The following SEMA6D variants were observed in gnomAD, a reference collection of about 807,000 sequenced individuals.
SEMA6D encodes semaphorin 6D.
Under a neutral mutation model 106.6 loss-of-function variants are expected in SEMA6D, and 35 were observed. The ratio of observed to expected loss-of-function variants is 0.33; its 90% confidence interval spans 0.25 to 0.44. SEMA6D has a LOEUF of 0.44. Ranked by LOEUF, SEMA6D falls within the 20% of genes least tolerant of loss-of-function variation. The probability of loss-of-function intolerance (pLI) is 1.00; values close to 1 mark genes in which losing one functional copy is unlikely to be tolerated. For missense variants in SEMA6D, 1,185 were observed against 1,345.9 expected (o/e 0.88, Z 1.87); for synonymous variants, 499 against 487.7 (o/e 1.02, Z -0.31).
At chr15:47,631,518 G>GCCTGTGCAAGTAAGTT (rs2077292827) in intron 4 of SEMA6D, among the ~76,000 whole-genome samples, 1 of 151,840 alleles carries the variant, frequency 6.6e-6, no homozygotes, top group African/African-American at 2.4e-5. Context: ...TAAATATCTT[G>GCCTGTGCAAGTAAGTT]AAATAGGGAG....
At chr15:47,270,813 G>A (rs988028050) in intron 1 of SEMA6D, among the ~76,000 whole-genome samples, 2 of 151,766 alleles carry the variant, frequency 1.3e-5, no homozygotes, top group Non-Finnish European at 2.9e-5. Context: ...GGCCAACATG[G>A]TGAAACCCCA....
intron 1 of SEMA6D, among the ~76,000 whole-genome samples, chr15:47,209,867 G>C (rs1895362321): frequency 6.6e-6 from 1 of 152,054 alleles, no homozygotes; most frequent in Admixed American, 6.6e-5. Flanking sequence ...TGATTCATTG[G>C]GCCAAAGGAG....
intron 4 of SEMA6D, among the ~76,000 whole-genome samples, chr15:47,691,489 CA>C (rs1299741949): frequency 2.0e-5 from 3 of 152,016 alleles, no homozygotes; most frequent in African/African-American, 7.2e-5. Flanking sequence ...TTAGATTGTC[CA>C]AGGTTTGAAT....
rs980880076 is a variant in SEMA6D, at chr15:47,486,585, A to G, written c.-87+16040A>G. On this transcript the variant is annotated intron_variant, in intron 3 of 19. Transcript: ENST00000558014. ...GCACTACAATGAAGAAAACAGACCT[A>G]CCAAAGAACTACATCTGTTATCTTG... 2.6e-5 allele frequency among the ~76,000 whole-genome samples: 4 copies of G among 152,184 alleles called. No homozygotes were observed. The East Asian group carries it at 5.8e-4, about 22-fold the overall frequency.
At chr15:47,549,183 G>A (rs28480177) in intron 3 of SEMA6D, among the ~76,000 whole-genome samples, 9,063 of 152,226 alleles carry the variant, frequency 0.06, 307 homozygotes, top group South Asian at 0.089. Flanking sequence ...AACAGATAGC[G>A]AGAAAGCCTG....
intron 4 of SEMA6D, among the ~76,000 whole-genome samples, chr15:47,658,199 T>C (rs1363166245): frequency 6.6e-6 from 1 of 152,206 alleles, no homozygotes; most frequent in Admixed American, 6.5e-5. Flanking sequence ...TGTTAAATTT[T>C]ATCCAAAATT....
At chr15:47,635,567 A>G (rs1181543104) in intron 4 of SEMA6D, among the ~76,000 whole-genome samples, 3 of 152,350 alleles carry the variant, frequency 2.0e-5, no homozygotes, top group Admixed American at 6.5e-5. Flanking sequence ...AGTCAGAAGT[A>G]TGGGAGGCCC....
chr15:47,304,694 T>A (rs189499860), intron 1 of SEMA6D, among the ~76,000 whole-genome samples: 2 of 152,172 alleles, frequency 1.3e-5, no homozygotes, highest in Admixed American at 1.3e-4. Context: ...CTCAAATTGC[T>A]AGAAAGTCTC....
At chr15:47,198,936 A>G (rs1361782822) in intron 1 of SEMA6D, among the ~76,000 whole-genome samples, 1 of 152,196 alleles carries the variant, frequency 6.6e-6, no homozygotes, top group Non-Finnish European at 1.5e-5. Context: ...TTTCCTGGGA[A>G]GGAACTTCCC....
chr15:47,527,186 CAG>C (rs1221096155), intron 3 of SEMA6D, among the ~76,000 whole-genome samples: 1 of 151,954 alleles, frequency 6.6e-6, no homozygotes, highest in African/African-American at 2.4e-5. Context: ...AAGACAAAAA[CAG>C]ACAAAATGAT....
intron 4 of SEMA6D, among the ~76,000 whole-genome samples, chr15:47,674,590 G>A (rs983354973): frequency 6.6e-6 from 1 of 152,172 alleles, no homozygotes; most frequent in Non-Finnish European, 1.5e-5. Flanking sequence ...ACTGTGCTTG[G>A]AAGGGTGAGG....
chr15:47,439,402 A>G (rs1496899), intron 2 of SEMA6D, among the ~76,000 whole-genome samples: 40,480 of 152,048 alleles, frequency 0.27, 6,293 homozygotes, highest in East Asian at 0.51. Flanking sequence ...TCAAGATTCT[A>G]TACTTCTGTT....
chr15:47,314,597 C>CAAAAA lies in SEMA6D; in HGVS notation c.-238-97779_-238-97775dup, dbSNP rs764929520. Among the ~76,000 whole-genome samples the CAAAAA allele has an allele frequency of 7.0e-4, 17 of 24,298 alleles. 3 individuals carry two copies. The highest frequency in any genetic ancestry group is 9.6e-4 in the East Asian group (1 of 1,038). 15.9% of individuals were successfully genotyped at this position (24,298 alleles called of 152,430 possible). ...TGGGCGACAGAGCGAGACTCCATCT[C>CAAAAA]AAAAAAAAAAAAAAAAAAAAAGAAT... On this transcript the variant is annotated intron_variant, in intron 1 of 19. Transcript: ENST00000558014.
chr15:47,348,673 TCA>T (rs71118173), intron 1 of SEMA6D, among the ~76,000 whole-genome samples: 4,269 of 104,986 alleles, frequency 0.041, 360 homozygotes, highest in African/African-American at 0.17. Context: ...CAAGAGTACA[TCA>T]CACACACACA....
At chr15:47,652,854 A>G (rs1240304064) in intron 4 of SEMA6D, among the ~76,000 whole-genome samples, 1 of 152,208 alleles carries the variant, frequency 6.6e-6, no homozygotes, top group Non-Finnish European at 1.5e-5. Context: ...GCTGTTCCCC[A>G]TCAGTGAGTG....
intron 2 of SEMA6D, among the ~76,000 whole-genome samples, chr15:47,420,533 T>A (rs952838098): frequency 6.6e-6 from 1 of 152,100 alleles, no homozygotes; most frequent in Non-Finnish European, 1.5e-5. Context: ...TCTTCTATTT[T>A]GTGCATTCTG....
intron 1 of SEMA6D, chr15:47,338,927 A>G (rs1428410038): frequency 6.6e-6 from 1 of 152,184 alleles, no homozygotes. Context: ...ACCATAGAGG[A>G]AGGAATGCTA....
chr15:47,270,944 C>CA (rs928916286), intron 1 of SEMA6D, among the ~76,000 whole-genome samples: 30 of 148,996 alleles, frequency 2.0e-4, no homozygotes, highest in South Asian at 4.2e-4. Context: ...GACTTCATCT[C>CA]AAAAAAAAAA....
chr15:47,338,904 A>G (rs1264380900), intron 1 of SEMA6D, among the ~76,000 whole-genome samples: 1 of 152,212 alleles, frequency 6.6e-6, no homozygotes, highest in Non-Finnish European at 1.5e-5. Flanking sequence ...TCTCAGAGAC[A>G]TTCCTGCACC....
Sources: gnomAD v4.1 joint callset for allele counts (sites outside exome capture counted in the v4.1 genomes callset) on GRCh38, gnomAD v4.1.1 for gene constraint, MANE v1.5 for transcripts, NCBI Gene and HGNC (gene_info 2026-07-23, HGNC 2026-07-21) for gene names.